Variants in DGKE observed in about 807,000 individuals in gnomAD.
The protein encoded by DGKE is DAG kinase epsilon.
A neutral mutation model predicts 70.0 loss-of-function variants in DGKE; 53 were observed. The ratio of observed to expected loss-of-function variants is 0.76; its 90% confidence interval spans 0.61 to 0.95. The LOEUF is 0.95. Ranked by LOEUF, DGKE falls within the 40% of genes least tolerant of loss-of-function variation. The pLI is 0.00. For synonymous variants in DGKE, 291 were observed against 257.0 expected (o/e 1.13, Z -1.27); for missense variants, 655 against 706.9 (o/e 0.93, Z 0.83).
At chr17:56,845,202 G>T (rs1208074235) in intron 3 of DGKE, among the ~76,000 whole-genome samples, 3 of 152,066 alleles carry the variant, frequency 2.0e-5, no homozygotes. Flanking sequence ...TAGAAGTCCA[G>T]ATTTTTTAAT....
At chr17:56,862,018 GTATCTCATTAGT>G in intron 10 of DGKE, 100 bp downstream of exon 10, 1 of 1,526,078 alleles carries the variant, frequency 6.6e-7, no homozygotes. Flanking sequence ...TCTTTTTTGT[GTATCTCATTAGT>G]TATAAATATT....
intron 5 of DGKE, 64 bp downstream of exon 5, chr17:56,848,129 T>C (rs556568449): frequency 3.2e-6 from 3 of 929,274 alleles, no homozygotes; most frequent in South Asian, 1.0e-4. Context: ...CATATATATA[T>C]ATATATGGGT....
intron 1 of DGKE, 131 bp from the exon 2 acceptor site, chr17:56,834,647 G>T: frequency 2.3e-6 from 2 of 855,694 alleles, no homozygotes; most frequent in Non-Finnish European, 3.6e-6. Flanking sequence ...GGGGGGACGA[G>T]GCGCAGTCCC....
At chr17:56,848,239 C>T (rs1907431605) in intron 5 of DGKE, among the ~76,000 whole-genome samples, 174 bp downstream of exon 5, 1 of 151,938 alleles carries the variant, frequency 6.6e-6, no homozygotes, top group South Asian at 2.1e-4. Flanking sequence ...CTAACTGCAA[C>T]CTCCATTTCT....
At position 56,844,078 on chromosome 17, in the gene DGKE, A is replaced by C. The variant is rs1181441429; in HGVS notation, c.524A>C (p.Glu175Ala). The change falls in exon 3 of 12, where the codon GAA becomes GCA. Residue 175 changes from glutamate (E) to alanine (A), a missense_variant. By Grantham distance (107) the Glu-to-Ala change is moderately radical. Coordinates refer to ENST00000284061, the MANE Select transcript of DGKE (RefSeq NM_003647.3). ...TGCATGAAAAATAGTTTAAAGAATG[A>C]AAAATGTGATTTTGGAGAATTCAAA... ...DECMKNSLKNEKCDFGEFKNL... is the reference protein window; with the variant it reads ...DECMKNSLKNAKCDFGEFKNL... The C allele has an allele frequency of 6.3e-7, 1 of 1,581,326 alleles. No individual in the cohort carries two copies. The highest frequency in any genetic ancestry group is 8.6e-7 in the Non-Finnish European group (1 of 1,168,068).
At position 56,845,788 on chromosome 17, in the gene DGKE, G is replaced by C; in HGVS notation, c.723G>C (p.Arg241Ser). Residue 241 changes from arginine (R) to serine (S), a missense_variant, in exon 4 of 12, where the codon AGG becomes AGC. Coordinates refer to ENST00000284061, the MANE Select transcript of DGKE (RefSeq NM_003647.3). Reference protein sequence around the residue: ...NMGEGLLGEFRILLNPVQVFD... With the variant: ...NMGEGLLGEFSILLNPVQVFD... The stretch of plus-strand genomic sequence containing the variant: ...GAGAAGGACTGTTGGGAGAATTTAG[G>C]ATCTTGTTGAATCCAGTCCAGGTAA... The C allele has an allele frequency of 6.2e-7, 1 of 1,606,608 alleles. No homozygotes were observed. The highest frequency in any genetic ancestry group is 8.5e-7 in the Non-Finnish European group (1 of 1,176,836).
At position 56,835,246 on chromosome 17, in the gene DGKE, C is replaced by G; in HGVS notation, c.451C>G (p.Leu151Val). The G allele has an allele frequency of 6.2e-7, 1 of 1,610,320 alleles. No homozygotes were observed. Among genetic ancestry groups the G allele is most frequent in the Non-Finnish European group, 8.5e-7 (1 of 1,178,926 alleles). ...GCAGCAGTGTGGCTGTCAACCCAAG[C>G]TTTGCGATTACAGGTATGGTCTTCG... The part of the protein sequence containing the change: ...CKQQCGCQPK[L>V]CDYRCIWCQK... The change falls in exon 2 of 12, where the codon CTT (leucine) becomes GTT (valine). Residue 151 changes from leucine (L) to valine (V), a missense_variant. Transcript: ENST00000284061.
chr17:56,858,203 A>T (rs1462197379), intron 8 of DGKE, among the ~76,000 whole-genome samples: 1 of 152,214 alleles, frequency 6.6e-6, no homozygotes, highest in African/African-American at 2.4e-5. Context: ...GTAATATTTC[A>T]TCTACTGTAC....
At chr17:56,841,124 A>G (rs1414114781) in intron 2 of DGKE, among the ~76,000 whole-genome samples, 3 of 151,696 alleles carry the variant, frequency 2.0e-5, no homozygotes, top group Non-Finnish European at 4.4e-5. Context: ...GGTAGCATGC[A>G]CCTGTAGTCC....
chr17:56,834,573 G>C (rs893318028), intron 1 of DGKE, among the ~76,000 whole-genome samples: 1 of 152,210 alleles, frequency 6.6e-6, no homozygotes, highest in African/African-American at 2.4e-5. Context: ...GGGCGGGTTG[G>C]GGAGTGGGGA....
At chr17:56,834,680 C>T in intron 1 of DGKE, 98 bp from the exon 2 acceptor site, 4 of 1,185,046 alleles carry the variant, frequency 3.4e-6, no homozygotes, top group South Asian at 2.9e-5. Context: ...GCGGAGCCAC[C>T]TTCACTGAGG....
intron 6 of DGKE, 144 bp from the exon 7 acceptor site, chr17:56,849,037 G>A (rs941337389): frequency 3.7e-5 from 42 of 1,139,456 alleles, no homozygotes; most frequent in Non-Finnish European, 2.7e-5. Flanking sequence ...GTTACACTGA[G>A]TACTTATCCC....
chr17:56,867,466 A>G lies in DGKE; in HGVS notation c.*4675A>G, dbSNP rs1051506991. ...AATACAAAAAAAATTAGCCAGGTAC[A>G]TTGGCACATGCCTTTAATCCCAGCT... On this transcript the variant is annotated 3_prime_UTR_variant, in exon 12 of 12. Coordinates refer to ENST00000284061, the MANE Select transcript of DGKE (RefSeq NM_003647.3). The G allele has an allele frequency of 3.9e-5, 6 of 152,204 alleles. No individual in the cohort carries two copies. The highest frequency in any genetic ancestry group is 1.2e-4 in the African/African-American group (5 of 41,432). The allele number at this position is 152,204 out of a possible 1,614,324, so 9.4% of individuals were successfully genotyped here.
At position 56,867,116 on chromosome 17, in the gene DGKE, C is replaced by T. The variant is rs1481033567; in HGVS notation, c.*4325C>T. On this transcript the variant is annotated 3_prime_UTR_variant, in exon 12 of 12. Coordinates refer to ENST00000284061, the MANE Select transcript of DGKE (RefSeq NM_003647.3). ...TACACATCAATACATATATATTTAC[C>T]CATGTGGCCCTGTGTAGTCAGTGCA... is the stretch of plus-strand genomic sequence containing the variant. 1 of 151,964 alleles carries T rather than the reference C, an allele frequency of 6.6e-6. No individual in the cohort carries two copies. Among genetic ancestry groups the T allele is most frequent in the Non-Finnish European group, 1.5e-5 (1 of 68,010 alleles). The allele number at this position is 151,964 out of a possible 1,614,324, so 9.4% of individuals were successfully genotyped here. A position where few individuals can be genotyped will look rare whatever the true frequency, so the allele number is the denominator to read the frequency against.
chr17:56,854,041 A>T (rs182645616), intron 7 of DGKE, among the ~76,000 whole-genome samples: 1 of 129,738 alleles, frequency 7.7e-6, no homozygotes, highest in East Asian at 2.4e-4. Context: ...AACCTAGAGG[A>T]CATTATGTTA....
intron 2 of DGKE, 73 bp downstream of exon 2, chr17:56,835,332 G>T: frequency 6.9e-7 from 1 of 1,444,150 alleles, no homozygotes. Flanking sequence ...TGGTGTAGAG[G>T]CCTGCTTTAA....
chr17:56,848,358 A>G (rs1029551914), intron 5 of DGKE, among the ~76,000 whole-genome samples: 1 of 152,040 alleles, frequency 6.6e-6, no homozygotes, highest in Non-Finnish European at 1.5e-5. Flanking sequence ...GGGTTTCACC[A>G]TGTTGCCTGG....
intron 7 of DGKE, among the ~76,000 whole-genome samples, chr17:56,854,643 C>T (rs1260634277): frequency 6.6e-6 from 1 of 151,696 alleles, no homozygotes; most frequent in Admixed American, 6.6e-5. Context: ...ATGTTCTCAC[C>T]ACAAATAAAT....
chr17:56,844,190 T>A lies in DGKE; in HGVS notation c.624+12T>A, dbSNP rs1907154621. 1 of 1,457,794 alleles carries A rather than the reference T, an allele frequency of 6.9e-7. No homozygotes were observed. Among genetic ancestry groups the A allele is most frequent in the South Asian group, 1.4e-5 (1 of 72,220 alleles). 90.3% of individuals were successfully genotyped at this position (1,457,794 alleles called of 1,614,324 possible). A position where few individuals can be genotyped will look rare whatever the true frequency, so the allele number is the denominator to read the frequency against. ...CAGATTATGAAGTGGTAATTAGAGT[T>A]TATTTCTCTAATATGATTGATTTTT... is the stretch of plus-strand genomic sequence containing the variant. On this transcript the variant is annotated intron_variant, in intron 3 of 11. Coordinates refer to ENST00000284061, the MANE Select transcript of DGKE (RefSeq NM_003647.3).
Sources: allele counts gnomAD v4.1 joint callset (sites outside exome capture counted in the v4.1 genomes callset), GRCh38; gene constraint gnomAD v4.1.1; transcripts MANE v1.5; gene names NCBI Gene and HGNC (gene_info 2026-07-23, HGNC 2026-07-21).